The following ZNF730 variants were observed in gnomAD, a reference collection of about 807,000 sequenced individuals.
ZNF730 encodes putative zinc finger protein 730.
In ZNF730, 12 loss-of-function variants were observed where a neutral mutation model predicts 12.6. The observed-to-expected ratio is 0.95, with a 90% CI of 0.61 to 1.54. The LOEUF is 1.54. Ranked by LOEUF, ZNF730 falls within the 40% of genes most tolerant of loss-of-function variation. ZNF730 has a pLI of 0.00. For missense variants in ZNF730, 643 were observed against 583.5 expected (o/e 1.10, Z -1.05); for synonymous variants, 194 against 195.8 (o/e 0.99, Z 0.08).
At chr19:23,082,227 C>T (rs1195139319) in intron 1 of ZNF730, among the ~76,000 whole-genome samples, 4 of 152,110 alleles carry the variant, frequency 2.6e-5, no homozygotes, top group African/African-American at 7.2e-5. Flanking sequence ...TTCTATAAAC[C>T]CTTTTTTTCA....
chr19:23,136,468 G>C (rs561119659), intron 3 of ZNF730, among the ~76,000 whole-genome samples: 3 of 151,954 alleles, frequency 2.0e-5, no homozygotes, highest in Non-Finnish European at 4.4e-5. Flanking sequence ...GCAGTGGTGC[G>C]ATCTCGGCTC....
At chr19:23,138,005 C>CAGAAAGGATTTCCCCAGGTCTCTGTGT (rs1250264502) in intron 3 of ZNF730, among the ~76,000 whole-genome samples, 644 of 16,988 alleles carry the variant, frequency 0.038, 61 homozygotes, top group East Asian at 0.1. Flanking sequence ...CTTTCACGGC[C>CAGAAAGGATTTCCCCAGGTCTCTGTGT]GGGCGCGGTG....
chr19:23,143,060 C>T (rs997630372), intron 3 of ZNF730, among the ~76,000 whole-genome samples: 3 of 151,880 alleles, frequency 2.0e-5, no homozygotes, highest in Non-Finnish European at 4.4e-5. Context: ...CTGGCTAACA[C>T]GGTGAAACCC....
At chr19:23,108,092 T>C (rs1233933673) in intron 1 of ZNF730, among the ~76,000 whole-genome samples, 2 of 152,266 alleles carry the variant, frequency 1.3e-5, no homozygotes, top group African/African-American at 4.8e-5. Flanking sequence ...AATTTAGTAA[T>C]ACTGGTTAGA....
rs1453691262 is a variant in ZNF730, at chr19:23,146,949, T to C, written c.*393T>C. The C allele has an allele frequency of 1.3e-5, 5 of 399,102 alleles. No homozygotes were observed. Among genetic ancestry groups the C allele is most frequent in the Non-Finnish European group, 2.3e-5 (5 of 215,160 alleles). 24.7% of individuals were successfully genotyped at this position (399,102 alleles called of 1,614,324 possible). ...CAAACTTTTCCAGATGTCAAAGAAA[T>C]GCTGGTGAGAAATTCTAGAAATATG... On this transcript the variant is annotated 3_prime_UTR_variant, in exon 4 of 4. Coordinates refer to ENST00000597761, the MANE Select transcript of ZNF730 (RefSeq NM_001277403.2).
upstream of ZNF730, among the ~76,000 whole-genome samples, chr19:23,112,314 C>CA (rs1970469783): frequency 6.6e-6 from 1 of 152,106 alleles, no homozygotes; most frequent in East Asian, 1.9e-4. Flanking sequence ...TTGTTTATGG[C>CA]TCTACAAACA....
At chr19:23,140,591 A>G (rs888789489) in intron 3 of ZNF730, among the ~76,000 whole-genome samples, 2 of 148,026 alleles carry the variant, frequency 1.4e-5, no homozygotes, top group African/African-American at 4.9e-5. Flanking sequence ...AGCCTGGGCA[A>G]AGCAAGACTC....
chr19:23,098,316 C>T (rs931988275), intron 1 of ZNF730: 11 of 152,230 alleles, frequency 7.2e-5, no homozygotes, highest in African/African-American at 2.4e-4. Context: ...CATATTAGGA[C>T]ATATATTTTT....
chr19:23,146,829 G>C lies in ZNF730; in HGVS notation c.*273G>C. ...CTACAAGTGTGAAGAATGTGACAAA[G>C]CCTTTAACAAATCCTTAATTCTTAA... On this transcript the variant is annotated 3_prime_UTR_variant, in exon 4 of 4. Coordinates refer to ENST00000597761, the MANE Select transcript of ZNF730 (RefSeq NM_001277403.2). The C allele has an allele frequency of 1.2e-6, 1 of 836,774 alleles. No homozygotes were observed. Among genetic ancestry groups the C allele is most frequent in the Non-Finnish European group, 2.0e-6 (1 of 490,780 alleles). 51.8% of individuals were successfully genotyped at this position (836,774 alleles called of 1,614,324 possible).
upstream of ZNF730, among the ~76,000 whole-genome samples, chr19:23,112,927 C>CT (rs1485058325): frequency 6.6e-6 from 1 of 152,256 alleles, no homozygotes; most frequent in African/African-American, 2.4e-5. Flanking sequence ...TTTGATAGGT[C>CT]TTTTTTCCCC....
At position 23,117,082 on chromosome 19, in the gene ZNF730, C is replaced by T; in HGVS notation, c.-92C>T. 6.2e-7 allele frequency: 1 copy of T among 1,600,352 alleles called. No individual in the cohort carries two copies. The highest frequency in any genetic ancestry group is 1.7e-5 in the Admixed American group (1 of 59,336). ...TTTTCGTCTGTCTGCTTTGTGTCCT[C>T]TGCACGTAGAAGCCCAGCCTGTGTG... On this transcript the variant is annotated 5_prime_UTR_variant, in exon 1 of 4. Coordinates refer to ENST00000597761, the MANE Select transcript of ZNF730 (RefSeq NM_001277403.2).
At chr19:23,113,690 A>C (rs921876792), upstream of ZNF730, among the ~76,000 whole-genome samples, 9 of 152,184 alleles carry the variant, frequency 5.9e-5, no homozygotes, top group Admixed American at 4.6e-4. Flanking sequence ...TCTTAACACA[A>C]GGGGTTTCCC....
intron 1 of ZNF730, chr19:23,095,429 C>A (rs1970232809): frequency 1.8e-5 from 7 of 398,616 alleles, no homozygotes; most frequent in East Asian, 3.6e-5. Flanking sequence ...TATCCCTGAA[C>A]CCATCACACA....
At chr19:23,084,079 C>T (rs1599565737) in intron 1 of ZNF730, among the ~76,000 whole-genome samples, 1 of 151,950 alleles carries the variant, frequency 6.6e-6, no homozygotes, top group East Asian at 1.9e-4. Flanking sequence ...TTTAATTCAT[C>T]TTGAGTTGAT....
At chr19:23,084,231 T>G (rs1352596015) in intron 1 of ZNF730, among the ~76,000 whole-genome samples, 1 of 152,198 alleles carries the variant, frequency 6.6e-6, no homozygotes, top group East Asian at 1.9e-4. Context: ...TGGCTTTAGG[T>G]GCATAGATTT....
chr19:23,095,282 T>C (rs1347365140), intron 1 of ZNF730: 2 of 398,058 alleles, frequency 5.0e-6, no homozygotes, highest in African/African-American at 4.1e-5. Flanking sequence ...TGTAATATCG[T>C]TGGGCCTCAC....
At chr19:23,118,048 C>T (rs1226494449) in intron 1 of ZNF730, among the ~76,000 whole-genome samples, 1 of 152,082 alleles carries the variant, frequency 6.6e-6, no homozygotes, top group Admixed American at 6.5e-5. Context: ...TCCAGCCTAA[C>T]TCTGTCTTGC....
intron 1 of ZNF730, among the ~76,000 whole-genome samples, chr19:23,093,348 CTG>C (rs1263591912): frequency 1.3e-5 from 2 of 152,134 alleles, no homozygotes; most frequent in African/African-American, 2.4e-5. Flanking sequence ...TGGAATTCAA[CTG>C]TGAATCTTTC....
chr19:23,086,709 C>A (rs1013554230), intron 1 of ZNF730, among the ~76,000 whole-genome samples: 3 of 152,080 alleles, frequency 2.0e-5, no homozygotes, highest in African/African-American at 7.2e-5. Flanking sequence ...AGTTGAAAGT[C>A]GGGTAGTGTG....
Sources: allele counts gnomAD v4.1 joint callset (sites outside exome capture counted in the v4.1 genomes callset), GRCh38; gene constraint gnomAD v4.1.1; transcripts MANE v1.5; gene names NCBI Gene and HGNC (gene_info 2026-07-23, HGNC 2026-07-21).